Variants in DCTN6 observed in about 807,000 individuals in gnomAD.
DCTN6 encodes dynactin subunit 6.
DCTN6 carries 15 observed loss-of-function variants against 25.8 expected under a neutral mutation model. The observed-to-expected ratio is 0.58, with a 90% CI of 0.39 to 0.89. The LOEUF (loss-of-function observed/expected upper bound fraction) is 0.89, where lower values mean the gene tolerates loss of function less well. Ranked by LOEUF, DCTN6 falls within the 40% of genes least tolerant of loss-of-function variation. DCTN6 has a pLI of 0.00. For missense variants in DCTN6, 198 were observed against 237.6 expected (o/e 0.83, Z 1.09); for synonymous variants, 64 against 78.3 (o/e 0.82, Z 0.96).
At chr8:30,177,318 C>G (rs1803849164) in intron 4 of DCTN6, 104 bp downstream of exon 4, 1 of 814,758 alleles carries the variant, frequency 1.2e-6, no homozygotes. Context: ...CCTTTAGTAC[C>G]TAAGTCTTCT....
intron 3 of DCTN6, 101 bp downstream of exon 3, chr8:30,175,291 T>G: frequency 1.0e-6 from 1 of 975,810 alleles, no homozygotes; most frequent in Non-Finnish European, 1.5e-6. Flanking sequence ...CCAGGAGGCC[T>G]ACTATTTTAG....
At chr8:30,177,817 G>A (rs747085401) in intron 4 of DCTN6, among the ~76,000 whole-genome samples, 4 of 152,210 alleles carry the variant, frequency 2.6e-5, no homozygotes, top group Non-Finnish European at 5.9e-5. Flanking sequence ...TTCTGTTCCT[G>A]TAAATAAGTC....
chr8:30,167,948 T>TC (rs1803706094), intron 2 of DCTN6, among the ~76,000 whole-genome samples: 1 of 152,096 alleles, frequency 6.6e-6, no homozygotes, highest in Admixed American at 6.6e-5. Context: ...TGATCCACCC[T>TC]CCTCGGCCTC....
intron 2 of DCTN6, among the ~76,000 whole-genome samples, chr8:30,165,460 G>T (rs1803652736): frequency 6.7e-6 from 1 of 148,998 alleles, no homozygotes; most frequent in Non-Finnish European, 1.5e-5. Flanking sequence ...AAAAAACCCT[G>T]TAACGTCATT....
chr8:30,161,092 T>C (rs1270934592), intron 1 of DCTN6, among the ~76,000 whole-genome samples: 1 of 152,132 alleles, frequency 6.6e-6, no homozygotes, highest in Non-Finnish European at 1.5e-5. Flanking sequence ...TCCAAGTGAT[T>C]GGATTATGGG....
chr8:30,159,122 T>C (rs1489010161), intron 1 of DCTN6, among the ~76,000 whole-genome samples: 1 of 152,148 alleles, frequency 6.6e-6, no homozygotes, highest in Non-Finnish European at 1.5e-5. Flanking sequence ...AGAAGGACCA[T>C]TGGTAGGATT....
intron 4 of DCTN6, among the ~76,000 whole-genome samples, chr8:30,177,890 G>A (rs1340467863): frequency 6.6e-6 from 1 of 152,172 alleles, no homozygotes; most frequent in African/African-American, 2.4e-5. Flanking sequence ...CTTTAGCTCA[G>A]CACTTTGAAA....
At chr8:30,156,654 G>T (rs1803529263) in intron 1 of DCTN6, among the ~76,000 whole-genome samples, 1 of 151,998 alleles carries the variant, frequency 6.6e-6, no homozygotes, top group Non-Finnish European at 1.5e-5. Flanking sequence ...CCCCACATGC[G>T]CCTGCGCAGA....
At chr8:30,157,689 T>C (rs1319900358) in intron 1 of DCTN6, among the ~76,000 whole-genome samples, 1 of 152,196 alleles carries the variant, frequency 6.6e-6, no homozygotes, top group African/African-American at 2.4e-5. Flanking sequence ...TCTTCATTGC[T>C]GGGGGCTGTT....
At chr8:30,161,663 T>A (rs1803597419) in intron 1 of DCTN6, among the ~76,000 whole-genome samples, 1 of 152,098 alleles carries the variant, frequency 6.6e-6, no homozygotes, top group Non-Finnish European at 1.5e-5. Flanking sequence ...GGGGAAGAGG[T>A]TTTTACTTTG....
At chr8:30,159,125 G>A (rs1260457146) in intron 1 of DCTN6, among the ~76,000 whole-genome samples, 1 of 152,150 alleles carries the variant, frequency 6.6e-6, no homozygotes, top group Non-Finnish European at 1.5e-5. Context: ...AGGACCATTG[G>A]TAGGATTTCA....
intron 4 of DCTN6, 61 bp from the exon 5 acceptor site, chr8:30,179,347 C>A (rs752040333): frequency 2.5e-5 from 35 of 1,403,792 alleles, no homozygotes; most frequent in Non-Finnish European, 3.5e-5. Context: ...TAAGTACATA[C>A]TGTGTTAGTG....
At chr8:30,156,551 T>G in intron 1 of DCTN6, 145 bp downstream of exon 1, 3 of 928,252 alleles carry the variant, frequency 3.2e-6, no homozygotes, top group Non-Finnish European at 5.0e-6. Context: ...TGGCGTCCAC[T>G]GAGGGAGGGG....
intron 1 of DCTN6, among the ~76,000 whole-genome samples, chr8:30,158,421 G>GAT (rs1263238103): frequency 2.6e-5 from 4 of 152,156 alleles, no homozygotes; most frequent in Admixed American, 6.6e-5. Context: ...TACAGCTGGT[G>GAT]ATACATTCAA....
intron 2 of DCTN6, 59 bp downstream of exon 2, chr8:30,164,234 G>C (rs370597355): frequency 7.5e-6 from 10 of 1,324,586 alleles, no homozygotes; most frequent in Middle Eastern, 1.9e-4. Context: ...CTATTTTAGT[G>C]CTTTACAATT....
At chr8:30,163,421 C>G (rs542246269) in intron 1 of DCTN6, among the ~76,000 whole-genome samples, 7 of 152,284 alleles carry the variant, frequency 4.6e-5, no homozygotes, top group African/African-American at 1.7e-4. Context: ...TGTGCTCAGC[C>G]ATTCCAAAAT....
rs754139130 is a variant in DCTN6, at chr8:30,179,454, A to G, written c.330A>G (p.Lys110=). The change falls in exon 5 of 7, where the codon AAA becomes AAG. Residue 110 remains lysine, a splice_region_variant and synonymous_variant. Transcript: ENST00000221114. ...KMGDNNVIES[K]AYVGRNVILT... is the part of the protein sequence containing the mutation. ...GAGATAATAATGTCATTGAATCAAA[A>G]GGTAAGCTACATTCAGAGTTTCATT... The G allele has an allele frequency of 3.1e-6, 5 of 1,611,624 alleles. No homozygotes were observed. The highest frequency in any genetic ancestry group is 4.2e-6 in the Non-Finnish European group (5 of 1,178,922).
chr8:30,180,420 CT>C, intron 5 of DCTN6, 67 bp from the exon 6 acceptor site: 1 of 1,552,236 alleles, frequency 6.4e-7, no homozygotes, highest in African/African-American at 1.4e-5. Context: ...CCTAAATCAC[CT>C]TAAGAAAAAA....
chr8:30,163,945 C>A (rs71521373), intron 1 of DCTN6, among the ~76,000 whole-genome samples, 166 bp from the exon 2 acceptor site: 1 of 151,632 alleles, frequency 6.6e-6, no homozygotes, highest in Non-Finnish European at 1.5e-5. Flanking sequence ...CAGGTGATCC[C>A]CCCACCTCGG....
Sources: gnomAD v4.1 joint callset for allele counts (sites outside exome capture counted in the v4.1 genomes callset) on GRCh38, gnomAD v4.1.1 for gene constraint, MANE v1.5 for transcripts, NCBI Gene and HGNC (gene_info 2026-07-23, HGNC 2026-07-21) for gene names.